MEGF10: variants seen among roughly 807,000 people sequenced by gnomAD.
The protein encoded by MEGF10 is multiple EGF like domains 10, also known as multiple epidermal growth factor-like domains protein 10.
In MEGF10, 86 loss-of-function variants were observed where a neutral mutation model predicts 147.5. The observed-to-expected ratio is 0.58, with a 90% CI of 0.49 to 0.70. The LOEUF is 0.70. Ranked by LOEUF, MEGF10 falls within the 30% of genes least tolerant of loss-of-function variation. MEGF10 has a pLI of 0.00. For missense variants in MEGF10, 1,329 were observed against 1,487.3 expected, an observed-to-expected ratio of 0.89 and a Z score of 1.75; for synonymous variants, 478 against 525.5, an observed-to-expected ratio of 0.91 and a Z score of 1.24.
At chr5:127,454,178 A>G (rs1344952362) in intron 22 of MEGF10, among the ~76,000 whole-genome samples, 5 of 152,246 alleles carry the variant, frequency 3.3e-5, no homozygotes, top group Non-Finnish European at 5.9e-5. Context: ...AATAATGATT[A>G]TTGGGAAAAC....
chr5:127,343,341 C>G (rs1422352827), intron 4 of MEGF10, among the ~76,000 whole-genome samples: 1 of 152,074 alleles, frequency 6.6e-6, no homozygotes, highest in Admixed American at 6.6e-5. Context: ...TTCAGGAGAG[C>G]AGGTCCTGTC....
At chr5:127,248,230 G>T in the MEGF10 span, among the ~76,000 whole-genome samples, 2 of 152,060 alleles carry the variant, frequency 1.3e-5, no homozygotes, top group East Asian at 1.9e-4. Context: ...TGAGCCAGTT[G>T]TGTAGTTGCT....
chr5:127,369,207 T>C (rs1356398031), intron 4 of MEGF10, among the ~76,000 whole-genome samples: 1 of 152,218 alleles, frequency 6.6e-6, no homozygotes, highest in East Asian at 1.9e-4. Flanking sequence ...TGATAATGAT[T>C]TGGCACAGCA....
the MEGF10 span, among the ~76,000 whole-genome samples, chr5:127,270,633 G>A: frequency 6.6e-6 from 1 of 152,090 alleles, no homozygotes; most frequent in Non-Finnish European, 1.5e-5. Context: ...CAATAATAAT[G>A]GGAGACTTTA....
At chr5:127,280,109 T>C in the MEGF10 span, among the ~76,000 whole-genome samples, 1 of 152,220 alleles carries the variant, frequency 6.6e-6, no homozygotes, top group African/African-American at 2.4e-5. Context: ...ATTATTGTCG[T>C]ACTTGTGAAC....
chr5:127,396,744 G>T lies in MEGF10; in HGVS notation c.625G>T (p.Glu209Ter), dbSNP rs1064793831. ...NGATCDHVTG[E>*]CRCPPGYTGA... ...AGCCACCTGCGACCACGTCACGGGG[G>T]AATGCCGCTGCCCACCAGGATACAC... The change falls in exon 6 of 25, where the codon GAA (glutamate) becomes TAA (stop). Residue 209 changes from glutamate (E) to a stop codon, truncating the protein, a stop_gained. Coordinates refer to ENST00000503335, the MANE Select transcript of MEGF10 (RefSeq NM_001256545.2). LOFTEE classifies it high-confidence loss of function. The T allele has an allele frequency of 6.2e-7, 1 of 1,614,008 alleles. No homozygotes were observed. The highest frequency in any genetic ancestry group is 8.5e-7 in the Non-Finnish European group (1 of 1,180,006).
the MEGF10 span, among the ~76,000 whole-genome samples, chr5:127,247,766 G>A: frequency 6.6e-6 from 1 of 152,044 alleles, no homozygotes; most frequent in African/African-American, 2.4e-5. Context: ...TGGAGACCAA[G>A]TGAAGATCAT....
chr5:127,350,068 A>G (rs942017985), intron 4 of MEGF10, among the ~76,000 whole-genome samples: 1 of 152,016 alleles, frequency 6.6e-6, no homozygotes, highest in African/African-American at 2.4e-5. Flanking sequence ...ATCCCATTGC[A>G]TTTTCCAAAT....
At chr5:127,381,520 T>G (rs1263638762) in intron 5 of MEGF10, among the ~76,000 whole-genome samples, 1 of 152,230 alleles carries the variant, frequency 6.6e-6, no homozygotes, top group Admixed American at 6.5e-5. Flanking sequence ...TAGACCTGCT[T>G]GTTTCCCTCT....
chr5:127,322,773 T>C (rs1195746505), intron 1 of MEGF10, among the ~76,000 whole-genome samples: 1 of 152,222 alleles, frequency 6.6e-6, no homozygotes, highest in East Asian at 1.9e-4. Context: ...ATTGGTACTA[T>C]TGCATTAATG....
At chr5:127,435,047 C>T (rs1230920173) in intron 15 of MEGF10, among the ~76,000 whole-genome samples, 7 of 152,162 alleles carry the variant, frequency 4.6e-5, no homozygotes, top group Admixed American at 4.6e-4. Context: ...TGCTACTCTT[C>T]AGTTTTAGCT....
the MEGF10 span, among the ~76,000 whole-genome samples, chr5:127,285,094 G>A: frequency 3.3e-5 from 5 of 152,110 alleles, no homozygotes; most frequent in Non-Finnish European, 5.9e-5. Flanking sequence ...CTGTACTACA[G>A]GATGTGAATA....
At chr5:127,363,736 G>A (rs1000269767) in intron 4 of MEGF10, among the ~76,000 whole-genome samples, 1 of 152,096 alleles carries the variant, frequency 6.6e-6, no homozygotes, top group African/African-American at 2.4e-5. Context: ...AGCCCTATAA[G>A]GAATGGAGAG....
intron 1 of MEGF10, among the ~76,000 whole-genome samples, chr5:127,301,272 A>G (rs1759756755): frequency 6.6e-6 from 1 of 152,194 alleles, no homozygotes; most frequent in Admixed American, 6.5e-5. Context: ...CTTGTCCTCC[A>G]TCAGTGTGGC....
the MEGF10 span, among the ~76,000 whole-genome samples, chr5:127,231,119 C>T: frequency 2.0e-5 from 3 of 152,210 alleles, no homozygotes; most frequent in Non-Finnish European, 4.4e-5. Flanking sequence ...CCCCTTCTCT[C>T]TCCTGAGTTT....
chr5:127,300,417 A>G (rs1427790928), intron 1 of MEGF10, among the ~76,000 whole-genome samples: 1 of 152,186 alleles, frequency 6.6e-6, no homozygotes. Context: ...AGTAGTATAT[A>G]TAATACTAAA....
intron 5 of MEGF10, among the ~76,000 whole-genome samples, chr5:127,392,301 A>ATCAT (rs1763732819): frequency 6.6e-6 from 1 of 152,202 alleles, no homozygotes; most frequent in African/African-American, 2.4e-5. Context: ...TGTTGCATGT[A>ATCAT]TCATTCCCTG....
rs939416182 is a variant in MEGF10 at position 127,445,437 on chromosome 5, A to G, written c.2492-20A>G. On this transcript the variant is annotated intron_variant, in intron 19 of 24. Coordinates refer to ENST00000503335, the MANE Select transcript of MEGF10 (RefSeq NM_001256545.2). ...TCCAGCACATTGTCATCCTTTCTCA[A>G]GTCTCTCTTCTTTTTCTAGCTGGTG... 2 of 1,583,880 alleles carry G rather than the reference A, an allele frequency of 1.3e-6. No homozygotes were observed. The highest frequency in any genetic ancestry group is 1.7e-6 in the Non-Finnish European group (2 of 1,153,022).
At chr5:127,328,819 G>A (rs146497398) in intron 1 of MEGF10, among the ~76,000 whole-genome samples, 12 of 152,124 alleles carry the variant, frequency 7.9e-5, no homozygotes, top group Middle Eastern at 6.8e-3. Context: ...TTCACACTTC[G>A]TTGAAGGGAA....
Sources: allele counts gnomAD v4.1 joint callset (sites outside exome capture counted in the v4.1 genomes callset), GRCh38; gene constraint gnomAD v4.1.1; transcripts MANE v1.5; gene names NCBI Gene and HGNC (gene_info 2026-07-23, HGNC 2026-07-21).